POLDIP2: variants seen among roughly 807,000 people sequenced by gnomAD.
POLDIP2 encodes the protein DNA polymerase delta interacting protein 2, also known as polymerase delta-interacting protein 2.
Under a neutral mutation model 52.9 loss-of-function variants are expected in POLDIP2, and 32 were observed. The observed-to-expected ratio is 0.61, with a 90% confidence interval of 0.46 to 0.81. The LOEUF (loss-of-function observed/expected upper bound fraction) is 0.81. Among genes scored for constraint, POLDIP2 ranks in the 40% least tolerant of loss-of-function variants. POLDIP2 has a pLI of 0.00. For missense variants in POLDIP2, 371 were observed against 477.3 expected (o/e 0.78, Z 2.07); for synonymous variants, 183 against 183.0 (o/e 1.00, Z 0.00).
In POLDIP2 at chr17:28,348,235, C is replaced by A; in HGVS notation, c.993-4G>T. ...TCTTTCAAAGCGGAACGTGCCCCTA[C>A]AGTCAGAAAGAAGCTGGTTTAGAAG... is the stretch of plus-strand genomic sequence containing the variant. On this transcript the variant is annotated splice_region_variant and splice_polypyrimidine_tract_variant and intron_variant, in intron 10 of 10. Coordinates refer to ENST00000540200, the MANE Select transcript of POLDIP2 (RefSeq NM_015584.5). The A allele has an allele frequency of 6.2e-7, 1 of 1,606,226 alleles. No individual in the cohort carries two copies. Among genetic ancestry groups the A allele is most frequent in the Non-Finnish European group, 8.5e-7 (1 of 1,172,834 alleles).
At chr17:28,355,759 C>T (rs2142400423) in intron 2 of POLDIP2, 36 bp downstream of exon 2, 1 of 1,519,090 alleles carries the variant, frequency 6.6e-7, no homozygotes. Flanking sequence ...GCAGAGCACT[C>T]TATGAAAATG....
At chr17:28,349,204 G>A (rs781986090) in intron 9 of POLDIP2, 42 bp from the exon 10 acceptor site, 2 of 1,474,080 alleles carry the variant, frequency 1.4e-6, no homozygotes, top group South Asian at 1.2e-5. Flanking sequence ...AAGCCCCAGG[G>A]ACATGTTTCC....
Position 28,352,899 on chromosome 17 carries a change from TGA to T in POLDIP2, c.622+11_622+12del. ...GCCCTCCCATTCCACCTCCCCTTCT[TGA>T]GAGAGATTACCTTTTGTCTGGTCAT... On this transcript the variant is annotated intron_variant, in intron 6 of 10. Coordinates refer to ENST00000540200, the MANE Select transcript of POLDIP2 (RefSeq NM_015584.5). 3 of 1,527,980 alleles carry T rather than the reference TGA, an allele frequency of 2.0e-6. No individual in the cohort carries two copies. Among genetic ancestry groups the T allele is most frequent in the African/African-American group, 1.4e-5 (1 of 73,370 alleles). The allele number at this position is 1,527,980 out of a possible 1,614,324, so 94.7% of individuals were successfully genotyped here. A position where few individuals can be genotyped will look rare whatever the true frequency, so the allele number is the denominator to read the frequency against.
chr17:28,353,690 C>G lies in POLDIP2; in HGVS notation c.438+5G>C, dbSNP rs781893839. ...CCCCCAAGCCCAGCCATCTTGCTTACTTACTATATGTGGGCAGTCACGAGC... is the reference window on the plus strand; with the variant it reads ...CCCCCAAGCCCAGCCATCTTGCTTAGTTACTATATGTGGGCAGTCACGAGC... On this transcript the variant is annotated splice_donor_5th_base_variant and intron_variant, in intron 4 of 10. Coordinates refer to ENST00000540200, the MANE Select transcript of POLDIP2 (RefSeq NM_015584.5). 7 of 1,602,386 alleles carry G rather than the reference C, an allele frequency of 4.4e-6. No homozygotes were observed. Among genetic ancestry groups the G allele is most frequent in the Non-Finnish European group, 6.0e-6 (7 of 1,169,792 alleles).
intron 2 of POLDIP2, 23 bp from the exon 3 acceptor site, chr17:28,354,608 G>GT (rs1555580605): frequency 1.4e-6 from 2 of 1,479,920 alleles, no homozygotes; most frequent in South Asian, 2.4e-5. Flanking sequence ...AGGGGCCTCA[G>GT]TGAGTCTGCA....
Position 28,349,190 on chromosome 17 carries a change from G to A in POLDIP2, c.913-28C>T, listed in dbSNP as rs782391631. 11 of 1,562,402 alleles carry A rather than the reference G, an allele frequency of 7.0e-6. No individual in the cohort carries two copies. In the Admixed American group the frequency reaches 1.9e-4, roughly 27 times the overall value. On this transcript the variant is annotated intron_variant, in intron 9 of 10. Coordinates refer to ENST00000540200, the MANE Select transcript of POLDIP2 (RefSeq NM_015584.5). Reference sequence around the variant, plus strand: ...GTAAAGGTTTAGGCAAAATGGGTCAGGCCAAGCCCCAGGGACATGTTTCCT... The same window carrying A: ...GTAAAGGTTTAGGCAAAATGGGTCAAGCCAAGCCCCAGGGACATGTTTCCT...
At position 28,350,475 on chromosome 17, in the gene POLDIP2, G is replaced by C. The variant is rs1555579733; in HGVS notation, c.875C>G (p.Thr292Ser). 3.1e-6 allele frequency: 5 copies of C among 1,612,648 alleles called. No individual in the cohort carries two copies. In the Admixed American group the frequency reaches 8.4e-5, roughly 27 times the overall value. The change falls in exon 9 of 11, where the codon ACC becomes AGC. Residue 292 changes from threonine to serine, a missense_variant. Transcript: ENST00000540200. ...CCCTCGGCCTCGCACTGTCTCCAAG[G>C]TGCCAGAGAGACTGAATATCCTCCA... ...RHWRIFSLSG[T>S]LETVRGRGVV...
chr17:28,353,837 A>G, intron 3 of POLDIP2, 46 bp from the exon 4 acceptor site: 1 of 1,300,574 alleles, frequency 7.7e-7, no homozygotes, highest in Non-Finnish European at 1.1e-6. Context: ...GGAGAAATGG[A>G]AGCTGTGGCT....
chr17:28,348,059 T>G lies in POLDIP2; in HGVS notation c.*58A>C, dbSNP rs1555579278. 1 of 954,292 alleles carries G rather than the reference T, an allele frequency of 1.0e-6. No homozygotes were observed. Among genetic ancestry groups the G allele is most frequent in the East Asian group, 2.4e-5 (1 of 41,630 alleles). 59.1% of individuals were successfully genotyped at this position (954,292 alleles called of 1,614,324 possible). A position where few individuals can be genotyped will look rare whatever the true frequency, so the allele number is the denominator to read the frequency against. On this transcript the variant is annotated 3_prime_UTR_variant, in exon 11 of 11. Transcript: ENST00000540200. ...GGAGAGAAGAGTTCTGCAGCAATTGTGGGATGAGAGTTGTTCTTCCCGGTG... is the reference window on the plus strand; with the variant it reads ...GGAGAGAAGAGTTCTGCAGCAATTGGGGGATGAGAGTTGTTCTTCCCGGTG...
At position 28,348,207 on chromosome 17, in the gene POLDIP2, A is replaced by G; in HGVS notation, c.1017T>C (p.Pro339=). 2 of 1,613,772 alleles carry G rather than the reference A, an allele frequency of 1.2e-6. No homozygotes were observed. The highest frequency in any genetic ancestry group is 1.7e-6 in the Non-Finnish European group (2 of 1,179,654). Residue 339 remains proline (P), a synonymous_variant, in exon 11 of 11, where the codon CCT becomes CCC. Coordinates refer to ENST00000540200, the MANE Select transcript of POLDIP2 (RefSeq NM_015584.5). ...TCCGAACATCAAAGTGGGAGCCATC[A>G]GGTCTTTCAAAGCGGAACGTGCCCC... is the stretch of plus-strand genomic sequence containing the variant. ...HMWGTFRFER[P]DGSHFDVRIP... is the part of the protein sequence containing the mutation.
intron 7 of POLDIP2, among the ~76,000 whole-genome samples, 158 bp from the exon 8 acceptor site, chr17:28,350,950 C>G (rs1907774637): frequency 6.6e-6 from 1 of 152,184 alleles, no homozygotes; most frequent in South Asian, 2.1e-4. Context: ...CCATGGCCTA[C>G]ACACCCACAG....
In POLDIP2 at chr17:28,350,712, C is replaced by T. The variant is rs1179476945; in HGVS notation, c.786+54G>A. 7.6e-6 allele frequency: 12 copies of T among 1,581,104 alleles called. No individual in the cohort carries two copies. The East Asian group carries it at 2.8e-4, about 37-fold the overall frequency. ...GAAGGTGGGCTCCCCCACCTCCACC[C>T]TGACCCCCAGGCACACCCCACAAGC... On this transcript the variant is annotated intron_variant, in intron 8 of 10. Transcript: ENST00000540200.
Position 28,357,461 on chromosome 17 carries a change from C to A in POLDIP2, c.-13G>T. ...TACAGGCTGCCATGTCCCGCCCGAG[C>A]GCCCGCCCGGCTGCTGACACAGAGC... On this transcript the variant is annotated 5_prime_UTR_variant, in exon 1 of 11. Coordinates refer to ENST00000540200, the MANE Select transcript of POLDIP2 (RefSeq NM_015584.5). The A allele has an allele frequency of 7.0e-7, 1 of 1,429,552 alleles. No individual in the cohort carries two copies. The highest frequency in any genetic ancestry group is 9.0e-7 in the Non-Finnish European group (1 of 1,105,262). 88.6% of individuals were successfully genotyped at this position (1,429,552 alleles called of 1,614,324 possible). A position where few individuals can be genotyped will look rare whatever the true frequency, so the allele number is the denominator to read the frequency against.
At chr17:28,352,233 A>ATTTTTTT (rs1555580125) in intron 6 of POLDIP2, among the ~76,000 whole-genome samples, 1 of 44,308 alleles carries the variant, frequency 2.3e-5, no homozygotes, top group Admixed American at 2.4e-4. Context: ...CGTTGGAATT[A>ATTTTTTT]TTTCTTTTTT....
At chr17:28,354,706 T>C in intron 2 of POLDIP2, 121 bp from the exon 3 acceptor site, 2 of 684,496 alleles carry the variant, frequency 2.9e-6, no homozygotes, top group South Asian at 3.3e-5. Context: ...ACCTCTTCCC[T>C]TGAAGTCTGT....
In POLDIP2 at chr17:28,357,315, G is replaced by A. The variant is rs782740079; in HGVS notation, c.134C>T (p.Thr45Met). 4 of 1,580,264 alleles carry A rather than the reference G, an allele frequency of 2.5e-6. No individual in the cohort carries two copies. The highest frequency in any genetic ancestry group is 1.4e-5 in the African/African-American group (1 of 72,538). ...GGACGAGAGGTGCCTCCGCGTCGTC[G>A]TGGTCGACGCTGGCGAGAAGGCTCC... The part of the protein sequence containing the change: ...GAGAFSPAST[T>M]TTRRHLSSRN... The change falls in exon 1 of 11, where the codon ACG (threonine) becomes ATG (methionine). Residue 45 changes from threonine (T) to methionine (M), a missense_variant. Coordinates refer to ENST00000540200, the MANE Select transcript of POLDIP2 (RefSeq NM_015584.5).
At chr17:28,352,538 T>TTTC (rs1907846606) in intron 6 of POLDIP2, among the ~76,000 whole-genome samples, 4 of 29,886 alleles carry the variant, frequency 1.3e-4, no homozygotes, top group African/African-American at 5.5e-4. Context: ...CACCCGGGCC[T>TTTC]TTTTTTTTTT....
At chr17:28,350,073 G>A (rs1243392133) in intron 9 of POLDIP2, among the ~76,000 whole-genome samples, 3 of 152,054 alleles carry the variant, frequency 2.0e-5, no homozygotes, top group Admixed American at 6.6e-5. Context: ...AAGACCACAG[G>A]GATTGGTGGG....
At chr17:28,353,669 C>T (rs781974815) in intron 4 of POLDIP2, 26 bp downstream of exon 4, 35 of 1,524,142 alleles carry the variant, frequency 2.3e-5, no homozygotes, top group Non-Finnish European at 3.0e-5. Context: ...AGAGGACCCC[C>T]AAGCCCAGCC....
Sources: allele counts gnomAD v4.1 joint callset (sites outside exome capture counted in the v4.1 genomes callset), GRCh38; gene constraint gnomAD v4.1.1; transcripts MANE v1.5; gene names NCBI Gene and HGNC (gene_info 2026-07-23, HGNC 2026-07-21).